Variants in APOL3 observed in about 807,000 individuals in gnomAD.
APOL3 encodes apolipoprotein L3, also known as TNF-inducible protein CG12-1.
A neutral mutation model predicts 11.6 loss-of-function variants in APOL3; 14 were observed. The ratio of observed to expected loss-of-function variants is 1.21; its 90% CI spans 0.80 to 1.89. The LOEUF is 1.89. Among genes scored for constraint, APOL3 ranks in the 40% most tolerant of loss-of-function variants. APOL3 has a pLI of 0.00. For synonymous variants in APOL3, 192 were observed against 190.6 expected (o/e 1.01, Z -0.06); for missense variants, 483 against 492.1 (o/e 0.98, Z 0.17).
upstream of APOL3, chr22:36,164,820 TC>T (rs898523893): frequency 1.1e-4 from 16 of 152,336 alleles, no homozygotes; most frequent in African/African-American, 3.1e-4. Flanking sequence ...ATCCCATCAC[TC>T]CTTCCTCTAA....
chr22:36,149,191 G>A (rs1353056086), intron 1 of APOL3, 49 bp from the exon 2 acceptor site: 13 of 1,330,418 alleles, frequency 9.8e-6, no homozygotes, highest in Non-Finnish European at 1.3e-5. Context: ...GCCACCTGTG[G>A]ACAGAGGGAG....
intron 1 of APOL3, 196 bp from the exon 2 acceptor site, chr22:36,149,338 CCTCA>C: frequency 7.7e-7 from 1 of 1,306,330 alleles, no homozygotes; most frequent in Non-Finnish European, 1.0e-6. Context: ...CTCCCTCTGC[CCTCA>C]CTCTCACACC....
intron 1 of APOL3, chr22:36,154,397 T>C: frequency 3.0e-6 from 1 of 334,496 alleles, no homozygotes; most frequent in Admixed American, 4.1e-5. Flanking sequence ...GTGAGAACAT[T>C]TGAGAAAAGT....
intron 1 of APOL3, among the ~76,000 whole-genome samples, chr22:36,151,817 G>A (rs1036690763): frequency 6.6e-6 from 1 of 152,152 alleles, no homozygotes; most frequent in Non-Finnish European, 1.5e-5. Flanking sequence ...ACCAGGTGTG[G>A]TGATGCATGC....
chr22:36,147,560 C>T (rs2060266246), intron 1 of APOL3, among the ~76,000 whole-genome samples: 1 of 152,164 alleles, frequency 6.6e-6, no homozygotes. Flanking sequence ...CTCAGCAGAG[C>T]CCAGTTTGCT....
At chr22:36,161,241 C>T (rs542639572), upstream of APOL3, among the ~76,000 whole-genome samples, 35 of 152,254 alleles carry the variant, frequency 2.3e-4, no homozygotes, top group African/African-American at 7.9e-4. Flanking sequence ...CTCTGTCACC[C>T]AGGCTGGAGT....
intron 1 of APOL3, among the ~76,000 whole-genome samples, chr22:36,160,174 C>T (rs1229220938): frequency 1.3e-5 from 2 of 152,124 alleles, no homozygotes; most frequent in African/African-American, 4.8e-5. Flanking sequence ...TGAGCCACCG[C>T]GCCCAGCCAG....
At chr22:36,161,997 C>T (rs2146912537), upstream of APOL3, among the ~76,000 whole-genome samples, 1 of 151,866 alleles carries the variant, frequency 6.6e-6, no homozygotes, top group East Asian at 1.9e-4. Context: ...TGATGGCCCT[C>T]AGGAAACCTT....
intron 1 of APOL3, chr22:36,154,452 T>C (rs200819762): frequency 6.6e-5 from 25 of 376,028 alleles, no homozygotes; most frequent in Non-Finnish European, 1.3e-4. Flanking sequence ...CAAAGACTTA[T>C]CGTAACAGAG....
chr22:36,144,011 C>T (rs770431292), intron 2 of APOL3, among the ~76,000 whole-genome samples: 2 of 152,102 alleles, frequency 1.3e-5, no homozygotes, highest in Non-Finnish European at 2.9e-5. Flanking sequence ...TCCAAGCTGG[C>T]CCGAAGAAAC....
intron 2 of APOL3, among the ~76,000 whole-genome samples, chr22:36,145,009 CAAAAAAAAA>C (rs1312228074): frequency 1.3e-4 from 5 of 37,936 alleles, no homozygotes; most frequent in East Asian, 1.6e-3. Context: ...GACTCTGTCT[CAAAAAAAAA>C]AAAAAAAGAA....
chr22:36,149,818 T>G (rs2060364370), intron 1 of APOL3: 1 of 456,090 alleles, frequency 2.2e-6, no homozygotes, highest in African/African-American at 2.0e-5. Flanking sequence ...TCTTGCACTC[T>G]ATGCCCAAGT....
chr22:36,160,814 A>G (rs1352662605), exon 1 of APOL3: 1 of 1,614,186 alleles, frequency 6.2e-7, no homozygotes, highest in South Asian at 1.1e-5. Context: ...GGAAAGTGAA[A>G]GTCACAACTT....
At chr22:36,142,463 AT>A (rs753764317) in intron 2 of APOL3, among the ~76,000 whole-genome samples, 1 of 152,172 alleles carries the variant, frequency 6.6e-6, no homozygotes, top group Non-Finnish European at 1.5e-5. Context: ...ACAGTGAAGG[AT>A]TAACTTTATT....
chr22:36,148,709 T>C (rs2060310299), intron 1 of APOL3, among the ~76,000 whole-genome samples: 1 of 152,148 alleles, frequency 6.6e-6, no homozygotes, highest in African/African-American at 2.4e-5. Context: ...CTCTCAGCCC[T>C]CCGCACCTCC....
At chr22:36,165,929 C>G (rs559991540), upstream of APOL3, 29 of 152,318 alleles carry the variant, frequency 1.9e-4, no homozygotes, top group African/African-American at 7.0e-4. Context: ...GAAAGGCTGA[C>G]AGTGAAACAG....
At chr22:36,155,729 G>T in intron 1 of APOL3, 1 of 160,880 alleles carries the variant, frequency 6.2e-6, no homozygotes, top group South Asian at 1.8e-4. Context: ...GACCACACCT[G>T]ACACCTCTGA....
At chr22:36,152,053 C>G (rs772261237) in intron 1 of APOL3, among the ~76,000 whole-genome samples, 1 of 151,916 alleles carries the variant, frequency 6.6e-6, no homozygotes, top group African/African-American at 2.4e-5. Flanking sequence ...GAGAAAAAGA[C>G]GTGAAAGAGA....
At chr22:36,146,752 GAAACCAATGAATATTCACCTTA>G (rs1603474785) in intron 1 of APOL3, among the ~76,000 whole-genome samples, 2 of 152,042 alleles carry the variant, frequency 1.3e-5, no homozygotes, top group Admixed American at 6.6e-5. Context: ...TTTCAACAGA[GAAACCAATGAATATTCACCTTA>G]AATGGGATAC....
Sources: allele counts gnomAD v4.1 joint callset (sites outside exome capture counted in the v4.1 genomes callset), GRCh38; gene constraint gnomAD v4.1.1; transcripts MANE v1.5; gene names NCBI Gene and HGNC (gene_info 2026-07-23, HGNC 2026-07-21).